Variants in FRMD4B observed in about 807,000 individuals in gnomAD.
FRMD4B encodes FERM domain-containing protein 4B.
Under a neutral mutation model 141.5 loss-of-function variants are expected in FRMD4B, and 74 were observed. The ratio of observed to expected loss-of-function variants is 0.52; its 90% CI spans 0.43 to 0.63. The LOEUF is 0.63. Ranked by LOEUF, FRMD4B falls within the 30% of genes least tolerant of loss-of-function variation. The probability of loss-of-function intolerance (pLI) is 0.00; values close to 1 mark genes in which losing one functional copy is unlikely to be tolerated. For missense variants in FRMD4B, 1,366 were observed against 1,253.4 expected (o/e 1.09, Z -1.36); for synonymous variants, 506 against 467.9 (o/e 1.08, Z -1.05).
intron 1 of FRMD4B, among the ~76,000 whole-genome samples, chr3:69,343,288 A>G (rs1164819001): frequency 1.3e-5 from 2 of 152,182 alleles, no homozygotes; most frequent in Admixed American, 6.5e-5. Flanking sequence ...TCAGAAGCCC[A>G]GAGGGGAGGT....
intron 3 of FRMD4B, among the ~76,000 whole-genome samples, chr3:69,307,036 C>T (rs1219796124): frequency 6.6e-6 from 1 of 152,228 alleles, no homozygotes; most frequent in East Asian, 1.9e-4. Context: ...AATTTCCACC[C>T]CCTCAACAGC....
intron 1 of FRMD4B, among the ~76,000 whole-genome samples, chr3:69,475,552 C>T (rs1042258024): frequency 1.3e-5 from 2 of 152,170 alleles, no homozygotes; most frequent in East Asian, 1.9e-4. Flanking sequence ...TTTTTTATGG[C>T]TGCATAGTAT....
At chr3:69,511,703 G>T (rs971951579) in intron 1 of FRMD4B, among the ~76,000 whole-genome samples, 3 of 152,192 alleles carry the variant, frequency 2.0e-5, no homozygotes, top group Non-Finnish European at 4.4e-5. Flanking sequence ...TTAGAGCTGA[G>T]TAGAGTCTGA....
chr3:69,408,030 T>G (rs1430571526), intron 2 of FRMD4B, among the ~76,000 whole-genome samples: 1 of 152,180 alleles, frequency 6.6e-6, no homozygotes, highest in East Asian at 1.9e-4. Context: ...TTGTAGCTAC[T>G]TAACTCTGCT....
At chr3:69,229,965 G>A (rs1311552433) in intron 7 of FRMD4B, among the ~76,000 whole-genome samples, 1 of 151,580 alleles carries the variant, frequency 6.6e-6, no homozygotes, top group Non-Finnish European at 1.5e-5. Context: ...ACCGCACCCG[G>A]CCAGACTATC....
At chr3:69,519,029 T>C (rs1038880220) in intron 1 of FRMD4B, among the ~76,000 whole-genome samples, 1 of 152,186 alleles carries the variant, frequency 6.6e-6, no homozygotes, top group African/African-American at 2.4e-5. Flanking sequence ...GGCACAAGAA[T>C]GGGGATGTTT....
chr3:69,265,266 AAAAATATATATATATATATAT>A lies in FRMD4B; in HGVS notation c.502-15188_502-15168del, dbSNP rs1559762867. Among the ~76,000 whole-genome samples the A allele has an allele frequency of 2.2e-4, 4 of 18,524 alleles. 1 individual carries two copies. The highest frequency in any genetic ancestry group is 1.4e-3 in the Admixed American group (2 of 1,470). The allele number at this position is 18,524 out of a possible 152,430, so 12.2% of individuals were successfully genotyped here. A position where few individuals can be genotyped will look rare whatever the true frequency, so the allele number is the denominator to read the frequency against. ...CGAGACTCCATCTCAAAAAAAAAAA[AAAAATATATATATATATATAT>A]ATATATATATATATATATATATATA... On this transcript the variant is annotated intron_variant, in intron 5 of 22. Coordinates refer to ENST00000398540, the MANE Select transcript of FRMD4B (RefSeq NM_015123.3).
At chr3:69,358,398 C>A (rs1185922635) in intron 1 of FRMD4B, among the ~76,000 whole-genome samples, 1 of 152,178 alleles carries the variant, frequency 6.6e-6, no homozygotes, top group African/African-American at 2.4e-5. Flanking sequence ...AATGTCCCCA[C>A]TAAAACTCAT....
At chr3:69,423,378 C>T (rs1705016205) in intron 2 of FRMD4B, among the ~76,000 whole-genome samples, 1 of 64,424 alleles carries the variant, frequency 1.6e-5, no homozygotes, top group East Asian at 3.8e-4. Flanking sequence ...TTTGAGTCAC[C>T]CAATGCTCCT....
intron 2 of FRMD4B, among the ~76,000 whole-genome samples, chr3:69,411,848 A>G (rs1704766580): frequency 6.6e-6 from 1 of 152,204 alleles, no homozygotes; most frequent in Admixed American, 6.5e-5. Context: ...ACAATTATCT[A>G]TATCAAATCA....
intron 1 of FRMD4B, among the ~76,000 whole-genome samples, chr3:69,456,588 T>C (rs1172785121): frequency 6.6e-6 from 1 of 152,168 alleles, no homozygotes; most frequent in Admixed American, 6.5e-5. Flanking sequence ...TAATCGTGTC[T>C]CCTGCAGTAA....
chr3:69,466,558 T>C (rs1199287922), intron 1 of FRMD4B, among the ~76,000 whole-genome samples: 3 of 152,210 alleles, frequency 2.0e-5, no homozygotes, highest in Non-Finnish European at 4.4e-5. Context: ...GGTACTAATA[T>C]AGCACAGTTG....
intron 1 of FRMD4B, among the ~76,000 whole-genome samples, chr3:69,315,151 A>G (rs1426487147): frequency 6.6e-6 from 1 of 152,212 alleles, no homozygotes; most frequent in Non-Finnish European, 1.5e-5. Context: ...ATAGTTAAGA[A>G]CAGTTTGATA....
chr3:69,170,900 T>C lies in FRMD4B; in HGVS notation c.*961A>G, dbSNP rs1347645745. The C allele has an allele frequency of 6.6e-6, 1 of 152,198 alleles. No homozygotes were observed. Among genetic ancestry groups the C allele is most frequent in the African/African-American group, 2.4e-5 (1 of 41,456 alleles). 9.4% of individuals were successfully genotyped at this position (152,198 alleles called of 1,614,324 possible). ...TGTTTAATTTTCTAACGTTCACCAT[T>C]TTAAGGCACGCAATTCATCTAAAAT... On this transcript the variant is annotated 3_prime_UTR_variant, in exon 23 of 23. Transcript: ENST00000398540.
intron 8 of FRMD4B, among the ~76,000 whole-genome samples, chr3:69,224,094 GA>G (rs2093225960): frequency 6.6e-6 from 1 of 152,014 alleles, no homozygotes; most frequent in Non-Finnish European, 1.5e-5. Flanking sequence ...TATTTTAAGG[GA>G]AAACGTAATT....
At chr3:69,398,431 T>C (rs138021840) in intron 2 of FRMD4B, among the ~76,000 whole-genome samples, 13 of 152,358 alleles carry the variant, frequency 8.5e-5, no homozygotes, top group African/African-American at 1.4e-4. Context: ...TTTTAGATGA[T>C]TGAAACTATA....
intron 1 of FRMD4B, among the ~76,000 whole-genome samples, chr3:69,360,040 T>C (rs1004991678): frequency 2.0e-5 from 3 of 152,196 alleles, no homozygotes; most frequent in African/African-American, 7.2e-5. Context: ...GGGTTAACAC[T>C]CAGGCATTCT....
chr3:69,541,903 G>T (rs1701191927), intron 1 of FRMD4B, among the ~76,000 whole-genome samples: 1 of 151,920 alleles, frequency 6.6e-6, no homozygotes, highest in Non-Finnish European at 1.5e-5. Flanking sequence ...CGCGGTCCCC[G>T]GCGGCGCGTT....
At chr3:69,215,417 C>T (rs1027689482) in intron 11 of FRMD4B, among the ~76,000 whole-genome samples, 15 of 150,358 alleles carry the variant, frequency 1.0e-4, no homozygotes, top group Admixed American at 7.3e-4. Context: ...CTCAGCCTCC[C>T]GAGTAGCTAG....
Sources: allele counts gnomAD v4.1 joint callset (sites outside exome capture counted in the v4.1 genomes callset), GRCh38; gene constraint gnomAD v4.1.1; transcripts MANE v1.5; gene names NCBI Gene and HGNC (gene_info 2026-07-23, HGNC 2026-07-21).